Variants in ITGAD observed in about 807,000 individuals in gnomAD.
ITGAD encodes the protein integrin subunit alpha D, also known as integrin alpha-D.
In ITGAD, 105 loss-of-function variants were observed where a neutral mutation model predicts 139.0. The ratio of observed to expected loss-of-function variants is 0.76; its 90% CI spans 0.65 to 0.89. The LOEUF (loss-of-function observed/expected upper bound fraction) is 0.89. Ranked by LOEUF, ITGAD falls within the 40% of genes least tolerant of loss-of-function variation. The pLI is 0.00. For missense variants in ITGAD, 1,384 were observed against 1,487.3 expected, an observed-to-expected ratio of 0.93 and a Z score of 1.14; for synonymous variants, 569 against 598.3, an observed-to-expected ratio of 0.95 and a Z score of 0.71.
chr16:31,411,950 T>C (rs1467818605), intron 14 of ITGAD, among the ~76,000 whole-genome samples: 1 of 152,192 alleles, frequency 6.6e-6, no homozygotes, highest in Non-Finnish European at 1.5e-5. Flanking sequence ...TACACAAATA[T>C]ATTATACGCC....
At position 31,411,445 on chromosome 16, in the gene ITGAD, G is replaced by A. The variant is rs1352257862; in HGVS notation, c.1635G>A (p.Glu545=). The change falls in exon 14 of 30, where the codon GAG becomes GAA. Residue 545 remains glutamate (E), a synonymous_variant. Transcript: ENST00000389202. The part of the protein sequence containing the change: ...LIDVAIGAPG[E]QENRGAVYLF... ...ACGTGGCCATTGGGGCCCCGGGAGA[G>A]CAGGAGAACCGGGGTGCTGTCTACC... 12 of 1,614,028 alleles carry A rather than the reference G, an allele frequency of 7.4e-6. No homozygotes were observed. The highest frequency in any genetic ancestry group is 9.3e-6 in the Non-Finnish European group (11 of 1,180,004).
intron 1 of ITGAD, among the ~76,000 whole-genome samples, chr16:31,393,938 C>T (rs575344261): frequency 4.8e-4 from 73 of 152,126 alleles, no homozygotes; most frequent in African/African-American, 1.7e-3. Flanking sequence ...TGTGACCAGC[C>T]TGGCCAACAT....
At chr16:31,413,058 G>A in intron 15 of ITGAD, 31 bp from the exon 16 acceptor site, 3 of 1,612,666 alleles carry the variant, frequency 1.9e-6, no homozygotes, top group East Asian at 4.5e-5. Flanking sequence ...AGAAGCCAGT[G>A]TTCTGTCCTC....
chr16:31,394,176 G>A, intron 1 of ITGAD, 60 bp from the exon 2 acceptor site: 2 of 980,730 alleles, frequency 2.0e-6, no homozygotes, highest in Admixed American at 4.5e-5. Context: ...GAGGCTGGGA[G>A]GTCCTAGGGA....
rs757259728 is a variant in ITGAD at position 31,397,892 on chromosome 16, TC to T, written c.414del (p.Asp139ThrfsTer16). On this transcript the variant is annotated frameshift_variant, in exon 5 of 30. Coordinates refer to ENST00000389202, the MANE Select transcript of ITGAD (RefSeq NM_005353.3). LOFTEE classifies it high-confidence loss of function. The part of the protein sequence containing the change: ...LGSRWEIIQT[V>X]PDATPECPHQ... Reference sequence around the variant, plus strand: ...TCGCGCTGGGAGATCATCCAGACAGTCCCCGACGCCACGCCAGGTAGGTCCC... The same window carrying T: ...TCGCGCTGGGAGATCATCCAGACAGTCCCGACGCCACGCCAGGTAGGTCCC... 11 of 1,612,512 alleles carry T rather than the reference TC, an allele frequency of 6.8e-6. No homozygotes were observed. The highest frequency in any genetic ancestry group is 4.4e-5 in the South Asian group (4 of 90,808).
At chr16:31,416,469 T>G in intron 19 of ITGAD, 36 bp from the exon 20 acceptor site, 1 of 1,593,416 alleles carries the variant, frequency 6.3e-7, no homozygotes, top group South Asian at 1.1e-5. Flanking sequence ...CTATTTCCAG[T>G]GGAGCGCCAC....
At chr16:31,417,812 T>A (rs1324043999) in intron 20 of ITGAD, among the ~76,000 whole-genome samples, 3 of 152,142 alleles carry the variant, frequency 2.0e-5, no homozygotes, top group Admixed American at 6.5e-5. Context: ...CCAGGCATGG[T>A]GGCAGGCACC....
rs1567338886 is a variant in ITGAD at position 31,410,792 on chromosome 16, C to T, written c.1270C>T (p.Pro424Ser). Residue 424 changes from proline (P) to serine (S), a missense_variant, in exon 12 of 30, where the codon CCC (proline) becomes TCC (serine). By Grantham distance (74) the Pro-to-Ser change is moderately conservative. Coordinates refer to ENST00000389202, the MANE Select transcript of ITGAD (RefSeq NM_005353.3). ...GGTACAGAACCTGGTCCTGGGGGCC[C>T]CCCGCTACCAGCATACCGGGAAGGC... ...KGVQNLVLGA[P>S]RYQHTGKAVI... 3 of 1,613,798 alleles carry T rather than the reference C, an allele frequency of 1.9e-6. No homozygotes were observed. The highest frequency in any genetic ancestry group is 2.5e-6 in the Non-Finnish European group (3 of 1,179,908).
chr16:31,413,338 CT>C, intron 16 of ITGAD, 92 bp downstream of exon 16: 1 of 1,336,260 alleles, frequency 7.5e-7, no homozygotes. Context: ...GGAATCCAAT[CT>C]TACCTCCACA....
rs1296878916 is a variant in ITGAD at position 31,411,232 on chromosome 16, G to T, written c.1497+16G>T. The T allele has an allele frequency of 1.2e-6, 2 of 1,612,056 alleles. No homozygotes were observed. Among genetic ancestry groups the T allele is most frequent in the Non-Finnish European group, 8.5e-7 (1 of 1,178,884 alleles). ...GCCTAGGGGGGTGAGTGGCTGATGG[G>T]ACCTAGGCTGGGTGGGGTCCGGTGT... On this transcript the variant is annotated intron_variant, in intron 13 of 29. Transcript: ENST00000389202.
rs909923631 is a variant in ITGAD, at chr16:31,403,351, C to T, written c.559-149C>T. On this transcript the variant is annotated intron_variant, in intron 6 of 29. Transcript: ENST00000389202. The surrounding 1 kb of genome is among the most constrained non-coding windows in gnomAD (Gnocchi z 4.4). ...ACAAAAAACAAAGCCAGGCATGTGA[C>T]GTGTGCCTGTAGTTCCAGCTACTTG... The T allele has an allele frequency of 2.9e-5, 25 of 848,108 alleles. No individual in the cohort carries two copies. Among genetic ancestry groups the T allele is most frequent in the Admixed American group, 2.5e-4 (11 of 43,378 alleles). 52.5% of individuals were successfully genotyped at this position (848,108 alleles called of 1,614,324 possible). A position where few individuals can be genotyped will look rare whatever the true frequency, so the allele number is the denominator to read the frequency against.
At chr16:31,398,215 G>A (rs1385007865) in intron 5 of ITGAD, among the ~76,000 whole-genome samples, 3 of 151,934 alleles carry the variant, frequency 2.0e-5, no homozygotes, top group Non-Finnish European at 4.4e-5. Flanking sequence ...TCAGGAGTTC[G>A]AGACCAGCCT....
chr16:31,411,236 T>C lies in ITGAD; in HGVS notation c.1497+20T>C. On this transcript the variant is annotated intron_variant, in intron 13 of 29. Transcript: ENST00000389202. The stretch of plus-strand genomic sequence containing the variant: ...AGGGGGGTGAGTGGCTGATGGGACC[T>C]AGGCTGGGTGGGGTCCGGTGTGAGT... 1 of 1,611,796 alleles carries C rather than the reference T, an allele frequency of 6.2e-7. No homozygotes were observed. The highest frequency in any genetic ancestry group is 1.1e-5 in the South Asian group (1 of 90,866).
At position 31,420,250 on chromosome 16, in the gene ITGAD, G is replaced by A. The variant is rs567075734; in HGVS notation, c.2780+1686G>A. On this transcript the variant is annotated intron_variant, in intron 23 of 29. Coordinates refer to ENST00000389202, the MANE Select transcript of ITGAD (RefSeq NM_005353.3). ...AAGGTCTCTTAAGAGCCTGGCCAAG[G>A]CAGCGCAGGAAAGGCAAGTGTAGGG... Among the ~76,000 whole-genome samples, 269 of 152,284 alleles carry A rather than the reference G, an allele frequency of 1.8e-3. 1 individual carries two copies. Among genetic ancestry groups the A allele is most frequent in the African/African-American group, 6.3e-3 (260 of 41,560 alleles).
At chr16:31,395,038 T>C (rs1168876988) in intron 2 of ITGAD, among the ~76,000 whole-genome samples, 1 of 152,160 alleles carries the variant, frequency 6.6e-6, no homozygotes, top group African/African-American at 2.4e-5. Flanking sequence ...ATGGCAGGGC[T>C]GGGCACCATG....
chr16:31,408,605 A>G, intron 10 of ITGAD, 107 bp downstream of exon 10: 5 of 948,032 alleles, frequency 5.3e-6, no homozygotes, highest in South Asian at 4.3e-5. Flanking sequence ...CCCATCCTCA[A>G]TCGCCAGGGA....
chr16:31,413,154 T>C lies in ITGAD; in HGVS notation c.1904T>C (p.Val635Ala). 1.9e-6 allele frequency: 3 copies of C among 1,614,048 alleles called. No homozygotes were observed. Among genetic ancestry groups the C allele is most frequent in the Non-Finnish European group, 2.5e-6 (3 of 1,180,000 alleles). ...RFSPVEVAKA[V>A]YRCWEEKPSA... ...AGCCCTGTGGAGGTGGCCAAGGCTG[T>C]GTACCGGTGCTGGGAAGAGAAGCCC... The change falls in exon 16 of 30, where the codon GTG becomes GCG. Residue 635 changes from valine to alanine, a missense_variant. Coordinates refer to ENST00000389202, the MANE Select transcript of ITGAD (RefSeq NM_005353.3).
intron 20 of ITGAD, among the ~76,000 whole-genome samples, chr16:31,417,255 T>TATTTA (rs58066609): frequency 6.8e-6 from 1 of 146,372 alleles, no homozygotes; most frequent in African/African-American, 2.5e-5. Flanking sequence ...TTTATTTATT[T>TATTTA]TTTAGAGACA....
At chr16:31,400,903 A>G (rs1411829992) in intron 5 of ITGAD, among the ~76,000 whole-genome samples, 1 of 152,066 alleles carries the variant, frequency 6.6e-6, no homozygotes, top group African/African-American at 2.4e-5. Context: ...ACCACTCCCA[A>G]CTGGGAATAT....
Sources: gnomAD v4.1 joint callset for allele counts (sites outside exome capture counted in the v4.1 genomes callset) on GRCh38, gnomAD v4.1.1 for gene constraint, Gnocchi (gnomAD v3.1) non-coding constraint, MANE v1.5 for transcripts, NCBI Gene and HGNC (gene_info 2026-07-23, HGNC 2026-07-21) for gene names.